The following ANXA6 variants were observed in gnomAD, a reference collection of about 807,000 sequenced individuals.
ANXA6 encodes annexin A6.
ANXA6 carries 71 observed loss-of-function variants against 95.4 expected under a neutral mutation model. The ratio of observed to expected loss-of-function variants is 0.74; its 90% CI spans 0.61 to 0.91. The LOEUF is 0.91. ANXA6 is among the 40% of genes least tolerant of loss of function. The probability of loss-of-function intolerance (pLI) is 0.00; values close to 1 mark genes in which losing one functional copy is unlikely to be tolerated. For synonymous variants in ANXA6, 289 were observed against 315.9 expected (o/e 0.91, Z 0.90); for missense variants, 830 against 876.4 (o/e 0.95, Z 0.67).
chr5:151,113,756 G>A (rs1383244038), intron 20 of ANXA6, among the ~76,000 whole-genome samples: 4 of 152,168 alleles, frequency 2.6e-5, no homozygotes, highest in Non-Finnish European at 4.4e-5. Flanking sequence ...GTTAAACTTA[G>A]AGTTCTCATA....
At chr5:151,136,410 C>T in intron 6 of ANXA6, 75 bp from the exon 7 acceptor site, 3 of 1,372,046 alleles carry the variant, frequency 2.2e-6, no homozygotes, top group South Asian at 2.4e-5. Flanking sequence ...CCTGCTGCCC[C>T]CAAAATGATC....
intron 23 of ANXA6, among the ~76,000 whole-genome samples, 198 bp from the exon 24 acceptor site, chr5:151,105,501 C>T (rs1289566231): frequency 6.6e-6 from 1 of 152,144 alleles, no homozygotes. Flanking sequence ...TTAGGCCTGG[C>T]TCTCAATTGG....
chr5:151,156,558 G>T (rs549551014), intron 1 of ANXA6, among the ~76,000 whole-genome samples: 23 of 152,272 alleles, frequency 1.5e-4, no homozygotes, highest in Admixed American at 1.3e-3. Flanking sequence ...AAGGAATAAT[G>T]GAGGGAAAAG....
chr5:151,117,297 C>G, intron 19 of ANXA6, 117 bp from the exon 20 acceptor site: 1 of 1,033,516 alleles, frequency 9.7e-7, no homozygotes, highest in Non-Finnish European at 1.4e-6. Context: ...ATCAGCTACA[C>G]AGGGACGAAA....
chr5:151,129,709 G>T (rs115538078), intron 11 of ANXA6, among the ~76,000 whole-genome samples, 180 bp from the exon 12 acceptor site: 4 of 140,960 alleles, frequency 2.8e-5, no homozygotes, highest in Non-Finnish European at 4.7e-5. Context: ...TTGTTTGTTT[G>T]TTTGTTTGTT....
At chr5:151,133,363 A>T in intron 8 of ANXA6, 176 bp from the exon 9 acceptor site, 1 of 574,128 alleles carries the variant, frequency 1.7e-6, no homozygotes, top group South Asian at 2.1e-5. Flanking sequence ...CATTCTGAGA[A>T]CTGCCATTGT....
At chr5:151,154,318 T>C (rs1435893995) in intron 1 of ANXA6, among the ~76,000 whole-genome samples, 1 of 118,632 alleles carries the variant, frequency 8.4e-6, no homozygotes, top group Non-Finnish European at 1.8e-5. Flanking sequence ...TATATATATA[T>C]ATATATATAT....
chr5:151,108,515 C>A lies in ANXA6; in HGVS notation c.1720G>T (p.Val574Leu). 2 of 1,613,958 alleles carry A rather than the reference C, an allele frequency of 1.2e-6. No homozygotes were observed. Among genetic ancestry groups the A allele is most frequent in the Non-Finnish European group, 1.7e-6 (2 of 1,179,864 alleles). ...ATCTCCTTCTTGATGGTGTGCTCCA[C>A]GTCATAGTTGGTCATCTTGATGAAC... ...QEFIKMTNYD[V>L]EHTIKKEMSG... The change falls in exon 23 of 26, where the codon GTG (valine) becomes TTG (leucine). Residue 574 changes from valine (V) to leucine (L), a missense_variant. Val to Leu is a conservative substitution (Grantham distance 32, BLOSUM62 1). Transcript: ENST00000354546.
intron 2 of ANXA6, among the ~76,000 whole-genome samples, chr5:151,146,445 C>T (rs1000732246): frequency 3.3e-5 from 5 of 152,208 alleles, no homozygotes; most frequent in Admixed American, 2.6e-4. Flanking sequence ...TCTGAGGGTA[C>T]TGATCCTATA....
intron 2 of ANXA6, chr5:151,140,581 T>TAA (rs1765804043): frequency 3.3e-5 from 2 of 61,448 alleles, no homozygotes; most frequent in African/African-American, 1.6e-4. Flanking sequence ...GAGTCAAATA[T>TAA]ATATATATAT....
intron 16 of ANXA6, among the ~76,000 whole-genome samples, 186 bp from the exon 17 acceptor site, chr5:151,122,446 A>G (rs1765194897): frequency 6.6e-6 from 1 of 152,100 alleles, no homozygotes; most frequent in African/African-American, 2.4e-5. Flanking sequence ...AACAACCAGG[A>G]GGAAGACCCA....
At chr5:151,132,367 C>T (rs114233498) in intron 10 of ANXA6, 109 bp downstream of exon 10, 16 of 856,342 alleles carry the variant, frequency 1.9e-5, no homozygotes, top group Non-Finnish European at 2.7e-5. Context: ...TGGTTTTCTC[C>T]TTCCCAATTC....
intron 14 of ANXA6, 130 bp downstream of exon 14, chr5:151,126,272 G>T: frequency 1.4e-6 from 1 of 733,542 alleles, no homozygotes; most frequent in Non-Finnish European, 2.4e-6. Context: ...AGAAAAGGAA[G>T]CTTCAGATGT....
chr5:151,101,433 G>T lies in ANXA6; in HGVS notation c.*15C>A. 6.5e-7 allele frequency: 1 copy of T among 1,549,806 alleles called. No individual in the cohort carries two copies. Among genetic ancestry groups the T allele is most frequent in the Non-Finnish European group, 8.7e-7 (1 of 1,147,196 alleles). On this transcript the variant is annotated 3_prime_UTR_variant, in exon 26 of 26. Coordinates refer to ENST00000354546, the MANE Select transcript of ANXA6 (RefSeq NM_001155.5). ...TAACCATTTCTTGGCAGAAGTGCCCGCCAAAGCTGTGGCCCTAGTCCTCAC... is the reference window on the plus strand; with the variant it reads ...TAACCATTTCTTGGCAGAAGTGCCCTCCAAAGCTGTGGCCCTAGTCCTCAC...
At chr5:151,132,646 AG>A in intron 9 of ANXA6, 75 bp from the exon 10 acceptor site, 8 of 1,266,818 alleles carry the variant, frequency 6.3e-6, no homozygotes, top group Non-Finnish European at 6.6e-6. Flanking sequence ...CTTCAAGAGC[AG>A]GGGGGCACAG....
At chr5:151,143,865 G>A (rs906432564) in intron 2 of ANXA6, among the ~76,000 whole-genome samples, 6 of 152,124 alleles carry the variant, frequency 3.9e-5, no homozygotes, top group Non-Finnish European at 5.9e-5. Flanking sequence ...CCTGAGGGAT[G>A]AGCAACAGGC....
chr5:151,132,648 G>A (rs1292355719), intron 9 of ANXA6, 77 bp from the exon 10 acceptor site: 6 of 1,270,200 alleles, frequency 4.7e-6, no homozygotes, highest in Non-Finnish European at 6.6e-6. Context: ...TCAAGAGCAG[G>A]GGGGCACAGT....
In ANXA6 at chr5:151,122,222, G is replaced by C. The variant is rs2113916178; in HGVS notation, c.1272C>G (p.Asp424Glu). The change falls in exon 17 of 26, where the codon GAC (aspartate) becomes GAG (glutamate). Residue 424 changes from aspartate (D) to glutamate (E), a missense_variant. Transcript: ENST00000354546. ...MTDLKSEISG[D>E]LARLILGLMM... ...TGAGCCCCAGAATCAGCCTTGCCAGGTCTCCAGAGATCTCAGACTTCAGGT... is the reference window on the plus strand; with the variant it reads ...TGAGCCCCAGAATCAGCCTTGCCAGCTCTCCAGAGATCTCAGACTTCAGGT... 6.2e-7 allele frequency: 1 copy of C among 1,605,254 alleles called. No homozygotes were observed. Among genetic ancestry groups the C allele is most frequent in the Non-Finnish European group, 8.5e-7 (1 of 1,176,852 alleles).
intron 17 of ANXA6, 146 bp downstream of exon 17, chr5:151,122,001 C>T: frequency 1.9e-6 from 1 of 517,782 alleles, no homozygotes; most frequent in Non-Finnish European, 3.4e-6. Flanking sequence ...TAGGAGCCAA[C>T]ATCTCCTTTT....
Sources: gnomAD v4.1 joint callset for allele counts (sites outside exome capture counted in the v4.1 genomes callset) on GRCh38, gnomAD v4.1.1 for gene constraint, MANE v1.5 for transcripts, NCBI Gene and HGNC (gene_info 2026-07-23, HGNC 2026-07-21) for gene names.